Variants in IGF1R observed in about 807,000 individuals in gnomAD.
The protein encoded by IGF1R is insulin like growth factor 1 receptor, also known as insulin-like growth factor 1 receptor.
IGF1R carries 44 observed loss-of-function variants against 144.6 expected under a neutral mutation model. The observed-to-expected ratio is 0.30, with a 90% CI of 0.24 to 0.39. The LOEUF is 0.39. Among genes scored for constraint, IGF1R ranks in the 10% least tolerant of loss-of-function variants. IGF1R has a pLI of 1.00. For synonymous variants in IGF1R, 795 were observed against 722.8 expected (o/e 1.10, Z -1.60); for missense variants, 1,355 against 1,833.7 (o/e 0.74, Z 4.77).
intron 2 of IGF1R, among the ~76,000 whole-genome samples, chr15:98,840,953 T>C (rs886477181): frequency 3.2e-4 from 48 of 152,320 alleles, no homozygotes; most frequent in Admixed American, 1.7e-3. Context: ...AGTGCTGGGA[T>C]TACAGGCGTG....
intron 2 of IGF1R, among the ~76,000 whole-genome samples, chr15:98,800,949 AC>A (rs2056349495): frequency 6.6e-6 from 1 of 152,134 alleles, no homozygotes; most frequent in Admixed American, 6.5e-5. Context: ...TTCAGATTAG[AC>A]TTTTTTTCTT....
chr15:98,922,713 A>T (rs2015543047), intron 11 of IGF1R, among the ~76,000 whole-genome samples: 1 of 152,224 alleles, frequency 6.6e-6, no homozygotes, highest in Non-Finnish European at 1.5e-5. Flanking sequence ...TACTTGGTGC[A>T]CATCGTGCAT....
intron 2 of IGF1R, among the ~76,000 whole-genome samples, chr15:98,752,701 A>G (rs998358971): frequency 1.3e-5 from 2 of 151,940 alleles, no homozygotes; most frequent in African/African-American, 4.8e-5. Flanking sequence ...AAAAAAAAGA[A>G]AGTATGTGAG....
At chr15:98,805,640 A>C (rs1212215031) in intron 2 of IGF1R, among the ~76,000 whole-genome samples, 1 of 152,160 alleles carries the variant, frequency 6.6e-6, no homozygotes, top group African/African-American at 2.4e-5. Flanking sequence ...CAAGGTCAGG[A>C]GGAAGTATTT....
intron 20 of IGF1R, chr15:98,953,040 C>T (rs2151732305): frequency 6.6e-6 from 1 of 152,292 alleles, no homozygotes; most frequent in African/African-American, 2.4e-5. Context: ...GAAAGAATGG[C>T]CTCCGTTTAT....
At position 98,674,977 on chromosome 15, in the gene IGF1R, A is replaced by ATTTTTTTTTTTTTTTT. The variant is rs71149408; in HGVS notation, c.94+25311_94+25326dup. On this transcript the variant is annotated intron_variant, in intron 1 of 20. Transcript: ENST00000650285. ...AAATGCTAAATTTAGGTATTTTACA[A>ATTTTTTTTTTTTTTTT]TTTTTTTTTTTTTTTTTTTTTTTTG... 3.8e-4 allele frequency among the ~76,000 whole-genome samples: 38 copies of ATTTTTTTTTTTTTTTT among 98,906 alleles called. 1 individual carries two copies. The highest frequency in any genetic ancestry group is 1.5e-3 in the African/African-American group (37 of 23,982). 64.9% of individuals were successfully genotyped at this position (98,906 alleles called of 152,430 possible).
chr15:98,957,586 A>C lies in IGF1R; in HGVS notation c.*144A>C, dbSNP rs2017057285. Reference sequence around the variant, plus strand: ...ACTGCCCTTGCTGCCCGCGGGAGACAGCTTCTCTGCAGTAAAACACATTTG... The same window carrying C: ...ACTGCCCTTGCTGCCCGCGGGAGACCGCTTCTCTGCAGTAAAACACATTTG... On this transcript the variant is annotated 3_prime_UTR_variant, in exon 21 of 21. Coordinates refer to ENST00000650285, the MANE Select transcript of IGF1R (RefSeq NM_000875.5). 1.0e-6 allele frequency: 1 copy of C among 990,596 alleles called. No individual in the cohort carries two copies. The allele number at this position is 990,596 out of a possible 1,614,324, so 61.4% of individuals were successfully genotyped here.
Position 98,908,620 on chromosome 15 carries a change from G to A in IGF1R, c.1248-65G>A, listed in dbSNP as rs572053705. 9.5e-5 allele frequency: 118 copies of A among 1,237,834 alleles called. No individual in the cohort carries two copies. The African/African-American group carries it at 1.5e-3, about 15-fold the overall frequency. 76.7% of individuals were successfully genotyped at this position (1,237,834 alleles called of 1,614,324 possible). On this transcript the variant is annotated intron_variant, in intron 5 of 20. Coordinates refer to ENST00000650285, the MANE Select transcript of IGF1R (RefSeq NM_000875.5). ...TGGCAAAGAGGACCTGTGTTACGTG[G>A]CCAGCAGGCTAGAGGGGACTGTGGC...
chr15:98,913,228 G>T lies in IGF1R; in HGVS notation c.1774G>T (p.Asp592Tyr). The T allele has an allele frequency of 6.2e-7, 1 of 1,614,168 alleles. No individual in the cohort carries two copies. Among genetic ancestry groups the T allele is most frequent in the South Asian group, 1.1e-5 (1 of 91,074 alleles). Residue 592 changes from aspartate to tyrosine, a missense_variant, in exon 8 of 21, where the codon GAC becomes TAC. Asp to Tyr is a radical substitution (Grantham distance 160, BLOSUM62 -3). Coordinates refer to ENST00000650285, the MANE Select transcript of IGF1R (RefSeq NM_000875.5). ...TGTGACCCTCACCATGGTGGAGAAC[G>T]ACCATATCCGTGGGGCCAAGAGTGA... The part of the protein sequence containing the change: ...KAVTLTMVEN[D>Y]HIRGAKSEIL...
intron 2 of IGF1R, among the ~76,000 whole-genome samples, chr15:98,712,585 G>A (rs899426996): frequency 2.5e-4 from 37 of 147,274 alleles, no homozygotes; most frequent in African/African-American, 8.6e-4. Flanking sequence ...TGGCTCCACC[G>A]AGCACTGGGG....
chr15:98,812,590 T>C (rs2056614851), intron 2 of IGF1R, among the ~76,000 whole-genome samples: 1 of 152,160 alleles, frequency 6.6e-6, no homozygotes, highest in Admixed American at 6.5e-5. Flanking sequence ...ACTGCTGACC[T>C]CAGGTGATCC....
intron 2 of IGF1R, among the ~76,000 whole-genome samples, chr15:98,803,422 CAGTG>C (rs1195991131): frequency 2.0e-5 from 3 of 152,114 alleles, no homozygotes. Context: ...CTGGGTGAGT[CAGTG>C]AGTCAGTGGT....
At position 98,948,703 on chromosome 15, in the gene IGF1R, C is replaced by G. The variant is rs2016651909; in HGVS notation, c.3717C>G (p.Asp1239Glu). The stretch of plus-strand genomic sequence containing the variant: ...TGGACAAGCCAGACAACTGTCCTGA[C>G]ATGCTGTACGTACTTCCTGGGCCCT... ...GLLDKPDNCP[D>E]MLFELMRMCW... is the part of the protein sequence containing the mutation. The change falls in exon 20 of 21, where the codon GAC (aspartate) becomes GAG (glutamate). Residue 1239 changes from aspartate (D) to glutamate (E), a missense_variant. Transcript: ENST00000650285. 1 of 1,614,138 alleles carries G rather than the reference C, an allele frequency of 6.2e-7. No homozygotes were observed. Among genetic ancestry groups the G allele is most frequent in the Non-Finnish European group, 8.5e-7 (1 of 1,180,000 alleles).
intron 2 of IGF1R, among the ~76,000 whole-genome samples, chr15:98,866,253 A>C (rs554607844): frequency 6.9e-4 from 105 of 152,304 alleles, no homozygotes; most frequent in African/African-American, 2.2e-3. Flanking sequence ...GCCACCACAC[A>C]GATGCACGTA....
At chr15:98,851,945 C>T (rs2011544952) in intron 2 of IGF1R, among the ~76,000 whole-genome samples, 1 of 152,216 alleles carries the variant, frequency 6.6e-6, no homozygotes, top group Non-Finnish European at 1.5e-5. Context: ...CCCGTGTGCC[C>T]TTAATGGCGT....
intron 1 of IGF1R, among the ~76,000 whole-genome samples, chr15:98,657,679 G>A (rs997594782): frequency 2.0e-5 from 3 of 152,128 alleles, no homozygotes; most frequent in Admixed American, 6.5e-5. Context: ...TCGTGTAGTC[G>A]TAGGTACAGA....
chr15:98,796,124 C>T (rs1286382960), intron 2 of IGF1R, among the ~76,000 whole-genome samples: 3 of 152,120 alleles, frequency 2.0e-5, no homozygotes, highest in East Asian at 1.9e-4. Flanking sequence ...TCCGTGGGAG[C>T]GAAGTGGCCA....
At chr15:98,859,672 T>C (rs1483039247) in intron 2 of IGF1R, among the ~76,000 whole-genome samples, 3 of 152,256 alleles carry the variant, frequency 2.0e-5, no homozygotes, top group Admixed American at 2.0e-4. Flanking sequence ...ATTTTTCCTT[T>C]TAATAAATAT....
rs2052262131 is a variant in IGF1R, at chr15:98,648,882, GGGGCGGGCGGCGGCGCAGAGCC to G, written c.-693_-672del. ...GCGGGGGCCGGGCGGGGGCCGGCGC[GGGGCGGGCGGCGGCGCAGAGCC>G]GGGCGGCGCGGCGGGAGTGCTGAGC... On this transcript the variant is annotated 5_prime_UTR_variant, in exon 1 of 21. Coordinates refer to ENST00000650285, the MANE Select transcript of IGF1R (RefSeq NM_000875.5). The G allele has an allele frequency of 6.9e-6, 1 of 145,570 alleles. No individual in the cohort carries two copies. Among genetic ancestry groups the G allele is most frequent in the South Asian group, 1.9e-4 (1 of 5,348 alleles). The allele number at this position is 145,570 out of a possible 1,614,324, so 9.0% of individuals were successfully genotyped here.
Sources: allele counts gnomAD v4.1 joint callset (sites outside exome capture counted in the v4.1 genomes callset), GRCh38; gene constraint gnomAD v4.1.1; transcripts MANE v1.5; gene names NCBI Gene and HGNC (gene_info 2026-07-23, HGNC 2026-07-21).